ZEB1: variants seen among roughly 807,000 people sequenced by gnomAD.
The protein encoded by ZEB1 is zinc finger E-box-binding homeobox 1.
Under a neutral mutation model 84.9 loss-of-function variants are expected in ZEB1, and 21 were observed. The ratio of observed to expected loss-of-function variants is 0.25; its 90% CI spans 0.18 to 0.36. ZEB1 has a LOEUF of 0.36. Among genes scored for constraint, ZEB1 ranks in the 10% least tolerant of loss-of-function variants. ZEB1 has a pLI of 1.00. For missense variants in ZEB1, 1,104 were observed against 1,330.2 expected (o/e 0.83, Z 2.65); for synonymous variants, 420 against 471.1 (o/e 0.89, Z 1.41).
At chr10:31,514,530 C>G in intron 5 of ZEB1, 73 bp from the exon 6 acceptor site, 1 of 1,356,484 alleles carries the variant, frequency 7.4e-7, no homozygotes, top group Non-Finnish European at 1.0e-6. Context: ...AAATGTCACT[C>G]TTAGTAGATT....
intron 1 of ZEB1, among the ~76,000 whole-genome samples, chr10:31,452,738 T>TGA (rs1328604524): frequency 8.9e-5 from 9 of 101,096 alleles, no homozygotes; most frequent in African/African-American, 4.2e-4. Flanking sequence ...TGTGTGTGTG[T>TGA]GTGTGAGAGA....
At chr10:31,464,313 A>G (rs1333035940) in intron 2 of ZEB1, among the ~76,000 whole-genome samples, 1 of 152,066 alleles carries the variant, frequency 6.6e-6, no homozygotes, top group African/African-American at 2.4e-5. Flanking sequence ...AGATGATGCC[A>G]CTGCACTCCA....
chr10:31,402,389 T>C (rs576487612), intron 1 of ZEB1, among the ~76,000 whole-genome samples: 2 of 151,726 alleles, frequency 1.3e-5, no homozygotes, highest in South Asian at 2.1e-4. Flanking sequence ...AAAAAAAAAA[T>C]TGATGATCAG....
Position 31,450,756 on chromosome 10 carries a change from G to A in ZEB1, c.59-10281G>A, listed in dbSNP as rs182384209. 9.1e-3 allele frequency among the ~76,000 whole-genome samples: 1,389 copies of A among 152,076 alleles called. 13 individuals are homozygous for A. Among genetic ancestry groups the A allele is most frequent in the African/African-American group, 0.031 (1,299 of 41,484 alleles). The stretch of plus-strand genomic sequence containing the variant: ...CTTTCTGTATCTATAGATGTCGTTT[G>A]TCCTTTATGTTAATATAGTAAAAGC... On this transcript the variant is annotated intron_variant, in intron 1 of 8. Coordinates refer to ENST00000424869, the MANE Select transcript of ZEB1 (RefSeq NM_001174096.2).
At chr10:31,427,769 G>C (rs192184568) in intron 1 of ZEB1, among the ~76,000 whole-genome samples, 1 of 151,730 alleles carries the variant, frequency 6.6e-6, no homozygotes, top group Non-Finnish European at 1.5e-5. Context: ...TGAGGCAGGA[G>C]AATGGCATGA....
chr10:31,336,483 C>A (rs1404878335), intron 1 of ZEB1, among the ~76,000 whole-genome samples: 1 of 152,082 alleles, frequency 6.6e-6, no homozygotes, highest in Non-Finnish European at 1.5e-5. Context: ...GCTAGAATAT[C>A]TCTATGACTT....
rs535534850 is a variant in ZEB1, at chr10:31,382,006, C to CAAAAAAAA, written c.58+62735_58+62742dup. ...AGACTGGGCGACAGTGAGACTGTCTCAAAAAAAAAAAAAAAAAAAAAAAAA... is the reference window on the plus strand; with the variant it reads ...AGACTGGGCGACAGTGAGACTGTCTCAAAAAAAAAAAAAAAAAAAAAAAAAAAAAAAAA... On this transcript the variant is annotated intron_variant, in intron 1 of 8. Coordinates refer to ENST00000424869, the MANE Select transcript of ZEB1 (RefSeq NM_001174096.2). 1.6e-3 allele frequency among the ~76,000 whole-genome samples: 64 copies of CAAAAAAAA among 40,774 alleles called. 1 individual carries two copies. Among genetic ancestry groups the CAAAAAAAA allele is most frequent in the African/African-American group, 2.7e-3 (61 of 22,338 alleles). 26.7% of individuals were successfully genotyped at this position (40,774 alleles called of 152,430 possible). A position where few individuals can be genotyped will look rare whatever the true frequency, so the allele number is the denominator to read the frequency against.
At chr10:31,368,445 C>G (rs943518067) in intron 1 of ZEB1, among the ~76,000 whole-genome samples, 4 of 152,214 alleles carry the variant, frequency 2.6e-5, no homozygotes, top group Non-Finnish European at 5.9e-5. Context: ...GCATAAGCCA[C>G]TGCACCCACC....
rs762587574 is a variant in ZEB1, at chr10:31,521,200, T to C, written c.1868T>C (p.Leu623Pro). 1 of 1,613,956 alleles carries C rather than the reference T, an allele frequency of 6.2e-7. No homozygotes were observed. Among genetic ancestry groups the C allele is most frequent in the Admixed American group, 1.7e-5 (1 of 59,994 alleles). The part of the protein sequence containing the change: ...SKIADSVNLP[L>P]DVVKKWFEKM... ...ATTGCTGATTCAGTAAACCTACCACTGGATGTAGTAAAAAAGTGGTTTGAA... is the reference window on the plus strand; with the variant it reads ...ATTGCTGATTCAGTAAACCTACCACCGGATGTAGTAAAAAAGTGGTTTGAA... Residue 623 changes from leucine to proline, a missense_variant, in exon 7 of 9, where the codon CTG (leucine) becomes CCG (proline). Leu to Pro is a moderately conservative substitution (Grantham distance 98). Coordinates refer to ENST00000424869, the MANE Select transcript of ZEB1 (RefSeq NM_001174096.2).
At position 31,412,721 on chromosome 10, in the gene ZEB1, G is replaced by T. The variant is rs542672796; in HGVS notation, c.59-48316G>T. Among the ~76,000 whole-genome samples, 39 of 152,206 alleles carry T rather than the reference G, an allele frequency of 2.6e-4. 1 individual carries two copies. The South Asian group carries it at 7.9e-3, about 31-fold the overall frequency. ...AGAATGCTATGGACTCATTGGCTTG[G>T]TTTTTTATTTCCTTGGTTTCAGTCC... On this transcript the variant is annotated intron_variant, in intron 1 of 8. Coordinates refer to ENST00000424869, the MANE Select transcript of ZEB1 (RefSeq NM_001174096.2).
chr10:31,464,574 C>T (rs2062170184), intron 2 of ZEB1, among the ~76,000 whole-genome samples: 1 of 152,004 alleles, frequency 6.6e-6, no homozygotes, highest in South Asian at 2.1e-4. Context: ...ATAGATTGAA[C>T]ATAAAAAGAT....
chr10:31,428,832 CTTTG>C (rs768168550), intron 1 of ZEB1, among the ~76,000 whole-genome samples: 85 of 152,186 alleles, frequency 5.6e-4, no homozygotes, highest in African/African-American at 1.9e-3. Context: ...TTTTTAAAAT[CTTTG>C]TTTGGTTTAA....
chr10:31,449,560 G>T (rs2060277646), intron 1 of ZEB1, among the ~76,000 whole-genome samples: 1 of 152,042 alleles, frequency 6.6e-6, no homozygotes, highest in African/African-American at 2.4e-5. Context: ...TTTTCCAAAT[G>T]ATTTTTATTA....
At chr10:31,372,008 T>A (rs2045797582) in intron 1 of ZEB1, among the ~76,000 whole-genome samples, 1 of 152,068 alleles carries the variant, frequency 6.6e-6, no homozygotes, top group African/African-American at 2.4e-5. Flanking sequence ...TGTGTACACA[T>A]GCACATGTAT....
chr10:31,469,710 C>A (rs1032191201), intron 2 of ZEB1, among the ~76,000 whole-genome samples: 4 of 152,236 alleles, frequency 2.6e-5, no homozygotes, highest in Admixed American at 2.0e-4. Context: ...TGAAGCCCAC[C>A]ACAGCTCAAG....
intron 7 of ZEB1, among the ~76,000 whole-genome samples, chr10:31,522,343 T>A (rs1331650294): frequency 6.6e-6 from 1 of 152,240 alleles, no homozygotes; most frequent in Non-Finnish European, 1.5e-5. Context: ...CACAGGTTCA[T>A]ACCAGGCAAA....
chr10:31,337,626 G>T (rs554506834), intron 1 of ZEB1, among the ~76,000 whole-genome samples: 1 of 143,490 alleles, frequency 7.0e-6, no homozygotes. Context: ...AGTATCTTTA[G>T]TATTTTATAC....
intron 1 of ZEB1, among the ~76,000 whole-genome samples, chr10:31,415,667 A>G (rs757870278): frequency 7.9e-5 from 12 of 152,076 alleles, no homozygotes; most frequent in Non-Finnish European, 1.3e-4. Flanking sequence ...ATACAGTTCG[A>G]AAGGATTGTT....
intron 1 of ZEB1, among the ~76,000 whole-genome samples, chr10:31,409,768 T>C (rs1354558384): frequency 3.9e-5 from 6 of 152,202 alleles, no homozygotes; most frequent in Admixed American, 3.9e-4. Flanking sequence ...ATTCTCTTTG[T>C]AGCAGTTGTA....
Sources: gnomAD v4.1 joint callset for allele counts (sites outside exome capture counted in the v4.1 genomes callset) on GRCh38, gnomAD v4.1.1 for gene constraint, MANE v1.5 for transcripts, NCBI Gene and HGNC (gene_info 2026-07-23, HGNC 2026-07-21) for gene names.